The following ZNF423 variants were observed in gnomAD, a reference collection of about 807,000 sequenced individuals.
ZNF423 encodes Ebf-associated zinc finger protein.
Under a neutral mutation model 95.8 loss-of-function variants are expected in ZNF423, and 12 were observed. That is an observed-to-expected ratio of 0.13 (90% CI 0.08 to 0.20). The LOEUF is 0.20. ZNF423 is among the 10% of genes least tolerant of loss of function. ZNF423 has a pLI of 1.00. For synonymous variants in ZNF423, 749 were observed against 711.9 expected, an observed-to-expected ratio of 1.05 and a Z score of -0.83; for missense variants, 1,316 against 1,737.1, an observed-to-expected ratio of 0.76 and a Z score of 4.31.
chr16:49,715,535 G>A (rs866413690), intron 3 of ZNF423, among the ~76,000 whole-genome samples: 5 of 152,246 alleles, frequency 3.3e-5, no homozygotes, highest in Non-Finnish European at 7.3e-5. Context: ...GAGGCCAGGA[G>A]TCTGAGACTA....
chr16:49,815,910 ATATATTTTTTTTTTT>A (rs2034845534), intron 1 of ZNF423, among the ~76,000 whole-genome samples: 1 of 40,540 alleles, frequency 2.5e-5, no homozygotes, highest in South Asian at 1.3e-3. Context: ...ATATATATAT[ATATATTTTTTTTTTT>A]TTTTTTTTTT....
chr16:49,729,985 C>T (rs2033122120), intron 3 of ZNF423, among the ~76,000 whole-genome samples: 1 of 152,134 alleles, frequency 6.6e-6, no homozygotes, highest in Non-Finnish European at 1.5e-5. Context: ...GGAAGAAGGT[C>T]TCTCAGGAAG....
At chr16:49,784,672 A>C (rs2034280756) in intron 2 of ZNF423, among the ~76,000 whole-genome samples, 3 of 152,222 alleles carry the variant, frequency 2.0e-5, no homozygotes. Flanking sequence ...TGGATCAGCC[A>C]GGTGTGGTGG....
chr16:49,544,510 C>T (rs1435285893), intron 5 of ZNF423, among the ~76,000 whole-genome samples: 3 of 152,070 alleles, frequency 2.0e-5, no homozygotes, highest in South Asian at 2.1e-4. Context: ...GGATGGGGGT[C>T]GAGGTAACAC....
At chr16:49,709,797 G>A (rs2032486963) in intron 3 of ZNF423, among the ~76,000 whole-genome samples, 1 of 152,186 alleles carries the variant, frequency 6.6e-6, no homozygotes. Flanking sequence ...CTCCATCTAT[G>A]AGGAGTGGGC....
chr16:49,559,992 AG>A (rs1283240873), intron 5 of ZNF423, among the ~76,000 whole-genome samples: 1 of 152,190 alleles, frequency 6.6e-6, no homozygotes, highest in East Asian at 1.9e-4. Flanking sequence ...CCAGGGCAAA[AG>A]GTGTGCCCAG....
At chr16:49,580,169 T>C (rs1192626267) in intron 5 of ZNF423, among the ~76,000 whole-genome samples, 2 of 152,188 alleles carry the variant, frequency 1.3e-5, no homozygotes, top group Admixed American at 1.3e-4. Context: ...ATCCCAGTTC[T>C]TGGCCACATC....
rs1411507242 is a variant in ZNF423 at position 49,515,460 on chromosome 16, CAA to C, written c.3849+8162_3849+8163del. ...GGAGGGTTTCTGTTTGCCTTGGTGGCAAAGACAATCCAGCTTTATGTGTGGCT... is the reference window on the plus strand; with the variant it reads ...GGAGGGTTTCTGTTTGCCTTGGTGGCAGACAATCCAGCTTTATGTGTGGCT... On this transcript the variant is annotated intron_variant, in intron 7 of 7. Transcript: ENST00000563137. 3.3e-5 allele frequency among the ~76,000 whole-genome samples: 5 copies of C among 152,338 alleles called. No homozygotes were observed. In the East Asian group the frequency reaches 9.6e-4, roughly 29 times the overall value.
chr16:49,510,666 C>T (rs898952214), intron 7 of ZNF423, among the ~76,000 whole-genome samples: 1 of 152,210 alleles, frequency 6.6e-6, no homozygotes, highest in Non-Finnish European at 1.5e-5. Flanking sequence ...CCCCAAGGCC[C>T]CATGTCTTCC....
chr16:49,649,160 G>C (rs1334200661), intron 3 of ZNF423, among the ~76,000 whole-genome samples: 1 of 152,104 alleles, frequency 6.6e-6, no homozygotes, highest in Admixed American at 6.5e-5. Context: ...ACCTTTCATG[G>C]GGAAAAAAGG....
chr16:49,540,486 A>T (rs1969211182), intron 5 of ZNF423, among the ~76,000 whole-genome samples: 1 of 151,210 alleles, frequency 6.6e-6, no homozygotes, highest in Non-Finnish European at 1.5e-5. Flanking sequence ...TCACTATGTT[A>T]CCCAGGCTGG....
rs2292155 is a variant in ZNF423, at chr16:49,731,037, C to T, written c.101-66G>A. The T allele has an allele frequency of 0.36, 565,437 of 1,551,884 alleles. 105,593 individuals are homozygous for T. Among genetic ancestry groups the T allele is most frequent in the African/African-American group, 0.49 (35,704 of 73,400 alleles). ...TCTTGGGAAAGGGTTTTAAAAGAAT[C>T]GCCCGGCATTTATTAAGATACATTT... On this transcript the variant is annotated intron_variant, in intron 2 of 7. Transcript: ENST00000563137.
chr16:49,755,324 G>C (rs1386874230), intron 2 of ZNF423, among the ~76,000 whole-genome samples: 1 of 152,116 alleles, frequency 6.6e-6, no homozygotes, highest in Non-Finnish European at 1.5e-5. Flanking sequence ...CCGCCTCCTC[G>C]CCCGCTTTCC....
intron 3 of ZNF423, among the ~76,000 whole-genome samples, chr16:49,706,639 T>A (rs971474905): frequency 1.3e-5 from 2 of 152,220 alleles, no homozygotes; most frequent in Non-Finnish European, 2.9e-5. Flanking sequence ...CCTGCCACAT[T>A]TTTTATCATC....
intron 5 of ZNF423, among the ~76,000 whole-genome samples, chr16:49,588,125 G>GATGGC (rs1386469634): frequency 3.3e-5 from 5 of 152,234 alleles, no homozygotes; most frequent in African/African-American, 9.6e-5. Context: ...AAACAGACCA[G>GATGGC]ATGGCATGAG....
At chr16:49,832,941 A>T (rs1039535959) in intron 1 of ZNF423, among the ~76,000 whole-genome samples, 3 of 152,194 alleles carry the variant, frequency 2.0e-5, no homozygotes, top group Non-Finnish European at 4.4e-5. Context: ...CTCAATGTTG[A>T]TTTCTTTCTT....
chr16:49,813,304 C>T (rs548705111), intron 1 of ZNF423, among the ~76,000 whole-genome samples: 1 of 152,246 alleles, frequency 6.6e-6, no homozygotes, highest in East Asian at 1.9e-4. Flanking sequence ...GCCCCGACTC[C>T]AGGCAGCCAG....
chr16:49,590,964 G>A lies in ZNF423; in HGVS notation c.3601+35206C>T, dbSNP rs539288029. ...TAGTGACACTACTAAAAGCTCCAAC[G>A]GGAAATTTAAACTGTGGCACTTCTT... On this transcript the variant is annotated intron_variant, in intron 5 of 7. Coordinates refer to ENST00000563137, the MANE Select transcript of ZNF423 (RefSeq NM_001379286.1). Among the ~76,000 whole-genome samples, 11 of 152,306 alleles carry A rather than the reference G, an allele frequency of 7.2e-5. No individual in the cohort carries two copies. In the South Asian group the frequency reaches 1.7e-3, roughly 23 times the overall value.
chr16:49,640,183 C>T (rs143833605), intron 3 of ZNF423, among the ~76,000 whole-genome samples: 289 of 152,280 alleles, frequency 1.9e-3, no homozygotes, highest in Non-Finnish European at 3.5e-3. Context: ...GTAACCCAGA[C>T]GTAACCTTGG....
Sources: gnomAD v4.1 joint callset for allele counts (sites outside exome capture counted in the v4.1 genomes callset) on GRCh38, gnomAD v4.1.1 for gene constraint, MANE v1.5 for transcripts, NCBI Gene and HGNC (gene_info 2026-07-23, HGNC 2026-07-21) for gene names.